The following AMTN variants were observed in gnomAD, a reference collection of about 807,000 sequenced individuals.
AMTN encodes amelotin.
AMTN carries 29 observed loss-of-function variants against 27.4 expected under a neutral mutation model. That is an observed-to-expected ratio of 1.06 (90% CI 0.79 to 1.44). The LOEUF (loss-of-function observed/expected upper bound fraction) is 1.44. AMTN is among the 40% of genes most tolerant of loss of function. The pLI is 0.00. For missense variants in AMTN, 247 were observed against 248.8 expected, an observed-to-expected ratio of 0.99 and a Z score of 0.05; for synonymous variants, 86 against 95.7, an observed-to-expected ratio of 0.90 and a Z score of 0.59.
In AMTN at chr4:70,532,585, C is replaced by T; in HGVS notation, c.*120C>T. 3.4e-6 allele frequency: 3 copies of T among 870,372 alleles called. No homozygotes were observed. 53.9% of individuals were successfully genotyped at this position (870,372 alleles called of 1,614,324 possible). Reference sequence around the variant, plus strand: ...TGGATAGTCTTAGAAGAAATTAATTCTTAATTTACCTGAAAATATTCTTGA... The same window carrying T: ...TGGATAGTCTTAGAAGAAATTAATTTTTAATTTACCTGAAAATATTCTTGA... On this transcript the variant is annotated 3_prime_UTR_variant, in exon 9 of 9. Transcript: ENST00000339336.
intron 2 of AMTN, among the ~76,000 whole-genome samples, chr4:70,522,182 C>G (rs1224672241): frequency 6.7e-6 from 1 of 148,628 alleles, no homozygotes; most frequent in Non-Finnish European, 1.5e-5. Flanking sequence ...CTGTAAGCAT[C>G]AGTTGCCTCA....
Position 70,524,931 on chromosome 4 carries a change from G to A in AMTN, c.264G>A (p.Gly88=). ...GTQTHPLTLG[G]LNVQQQLHPH... is the part of the protein sequence containing the mutation. ...AGACCCACCCATTGACCCTGGGAGGGTTGAATGTACAACAGCAACTGCACC... is the reference window on the plus strand; with the variant it reads ...AGACCCACCCATTGACCCTGGGAGGATTGAATGTACAACAGCAACTGCACC... The change falls in exon 5 of 9, where the codon GGG becomes GGA. Residue 88 remains glycine (G), a synonymous_variant. Transcript: ENST00000339336. The A allele has an allele frequency of 1.2e-6, 2 of 1,614,014 alleles. No individual in the cohort carries two copies. The highest frequency in any genetic ancestry group is 1.7e-6 in the Non-Finnish European group (2 of 1,179,936).
chr4:70,528,642 T>C, intron 5 of AMTN, 81 bp from the exon 6 acceptor site: 1 of 1,267,240 alleles, frequency 7.9e-7, no homozygotes, highest in Non-Finnish European at 1.1e-6. Context: ...AGAGCAAGAC[T>C]CCATCTCCAA....
At chr4:70,528,149 C>T (rs982235677) in intron 5 of AMTN, among the ~76,000 whole-genome samples, 2 of 151,888 alleles carry the variant, frequency 1.3e-5, no homozygotes, top group African/African-American at 2.4e-5. Flanking sequence ...TTCTTGAGAA[C>T]AATTTTTTTT....
In AMTN at chr4:70,528,721, A is replaced by G. The variant is rs1257668847; in HGVS notation, c.295-2A>G. 1.2e-6 allele frequency: 2 copies of G among 1,607,474 alleles called. No homozygotes were observed. The highest frequency in any genetic ancestry group is 1.7e-5 in the Admixed American group (1 of 58,696). ...GAAAGAGTTTTTCTCTCATTTTTTCAGGTGTTACCAATTTTTGTCACACAA... is the reference window on the plus strand; with the variant it reads ...GAAAGAGTTTTTCTCTCATTTTTTCGGGTGTTACCAATTTTTGTCACACAA... On this transcript the variant is annotated splice_acceptor_variant, in intron 5 of 8. Transcript: ENST00000339336. LOFTEE classifies it high-confidence loss of function.
At chr4:70,522,188 C>A (rs555964610) in intron 2 of AMTN, among the ~76,000 whole-genome samples, 3 of 144,134 alleles carry the variant, frequency 2.1e-5, no homozygotes, top group Non-Finnish European at 4.5e-5. Flanking sequence ...GCATCAGTTG[C>A]CTCATCTATT....
chr4:70,522,006 G>C (rs1253969781), intron 2 of AMTN, among the ~76,000 whole-genome samples: 1 of 152,158 alleles, frequency 6.6e-6, no homozygotes, highest in African/African-American at 2.4e-5. Context: ...CTCAAGGGCT[G>C]GTGCAGAGCC....
chr4:70,522,412 A>G lies in AMTN; in HGVS notation c.55-343A>G, dbSNP rs112238145. 2.2e-3 allele frequency among the ~76,000 whole-genome samples: 334 copies of G among 152,294 alleles called. 2 individuals carry two copies. Among genetic ancestry groups the G allele is most frequent in the African/African-American group, 7.5e-3 (311 of 41,574 alleles). The stretch of plus-strand genomic sequence containing the variant: ...CTTACCTCAAGCCCTGAGAAAAAGC[A>G]AATGTGCACAGAGCTAAGGTACAGA... On this transcript the variant is annotated intron_variant, in intron 2 of 8. Coordinates refer to ENST00000339336, the MANE Select transcript of AMTN (RefSeq NM_212557.4).
chr4:70,526,938 C>T (rs1736110668), intron 5 of AMTN, among the ~76,000 whole-genome samples: 1 of 152,198 alleles, frequency 6.6e-6, no homozygotes, highest in Non-Finnish European at 1.5e-5. Context: ...TTTCCCTGTG[C>T]AGAGTGGCTT....
intron 5 of AMTN, among the ~76,000 whole-genome samples, chr4:70,526,521 C>T (rs951316006): frequency 6.6e-6 from 1 of 152,132 alleles, no homozygotes; most frequent in African/African-American, 2.4e-5. Flanking sequence ...GAGCCAAAGA[C>T]ACACAAAGTA....
At chr4:70,518,686 C>A in intron 1 of AMTN, 32 bp downstream of exon 1, 1 of 1,031,522 alleles carries the variant, frequency 9.7e-7, no homozygotes, top group Non-Finnish European at 1.5e-6. Context: ...TCAAGTAGAA[C>A]TTTTGTTTTT....
chr4:70,530,174 A>G (rs1736190005), intron 7 of AMTN, among the ~76,000 whole-genome samples: 1 of 152,102 alleles, frequency 6.6e-6, no homozygotes, highest in Non-Finnish European at 1.5e-5. Context: ...TTTTTCAAAC[A>G]TTTTTAACAC....
At chr4:70,529,758 G>T (rs1736177649) in intron 7 of AMTN, among the ~76,000 whole-genome samples, 2 of 152,090 alleles carry the variant, frequency 1.3e-5, no homozygotes, top group Non-Finnish European at 2.9e-5. Flanking sequence ...TAGAGAAAAG[G>T]ACTTGAATTA....
chr4:70,521,635 C>T (rs1274393292), intron 2 of AMTN, among the ~76,000 whole-genome samples: 1 of 94,566 alleles, frequency 1.1e-5, no homozygotes, highest in Non-Finnish European at 2.1e-5. Context: ...ATAATACCAA[C>T]CTCTCTTTTT....
rs140981762 is a variant in AMTN, at chr4:70,520,137, T to C, written c.54+1306T>C. ...TGAAAACTCAAAACAAGCAAAACTTTCCAGGAGTGCAGCTCTCATGTGAGG... is the reference window on the plus strand; with the variant it reads ...TGAAAACTCAAAACAAGCAAAACTTCCCAGGAGTGCAGCTCTCATGTGAGG... On this transcript the variant is annotated intron_variant, in intron 2 of 8. Coordinates refer to ENST00000339336, the MANE Select transcript of AMTN (RefSeq NM_212557.4). Among the ~76,000 whole-genome samples the C allele has an allele frequency of 9.8e-5, 15 of 152,312 alleles. No homozygotes were observed. The East Asian group carries it at 2.7e-3, about 27-fold the overall frequency.
At position 70,518,694 on chromosome 4, in the gene AMTN, T is replaced by C. The variant is rs946387535; in HGVS notation, c.-16+40T>C. 12 of 1,145,956 alleles carry C rather than the reference T, an allele frequency of 1.0e-5. No individual in the cohort carries two copies. The African/African-American group carries it at 1.5e-4, about 15-fold the overall frequency. 71.0% of individuals were successfully genotyped at this position (1,145,956 alleles called of 1,614,324 possible). A position where few individuals can be genotyped will look rare whatever the true frequency, so the allele number is the denominator to read the frequency against. On this transcript the variant is annotated intron_variant, in intron 1 of 8. Transcript: ENST00000339336. The stretch of plus-strand genomic sequence containing the variant: ...CCATGTTTCAAGTAGAACTTTTGTT[T>C]TTAAAGTATCATTTTCTCTTAAAAG...
chr4:70,526,161 T>C lies in AMTN; in HGVS notation c.294+1200T>C, dbSNP rs544456172. ...AAATAAAATTCACTTGGAATCTCAT[T>C]AGCCATAATCAAACACTGTCAACAT... On this transcript the variant is annotated intron_variant, in intron 5 of 8. Transcript: ENST00000339336. Among the ~76,000 whole-genome samples the C allele has an allele frequency of 2.0e-5, 3 of 152,314 alleles. No homozygotes were observed. The East Asian group carries it at 5.8e-4, about 29-fold the overall frequency.
chr4:70,523,997 G>C, intron 4 of AMTN, 64 bp downstream of exon 4: 3 of 1,374,276 alleles, frequency 2.2e-6, no homozygotes, highest in Non-Finnish European at 2.1e-6. Context: ...TAATATTACA[G>C]TGGGGGGAGC....
At chr4:70,524,832 G>GA (rs752987390) in intron 4 of AMTN, 40 bp from the exon 5 acceptor site, 42 of 1,585,744 alleles carry the variant, frequency 2.6e-5, no homozygotes, top group South Asian at 5.6e-5. Flanking sequence ...TGTCCAAACT[G>GA]AAAAAAAATA....
Sources: allele counts gnomAD v4.1 joint callset (sites outside exome capture counted in the v4.1 genomes callset), GRCh38; gene constraint gnomAD v4.1.1; transcripts MANE v1.5; gene names NCBI Gene and HGNC (gene_info 2026-07-23, HGNC 2026-07-21).